The following PNPT1 variants were observed in gnomAD, a reference collection of about 807,000 sequenced individuals.
The protein encoded by PNPT1 is polyribonucleotide nucleotidyltransferase 1.
PNPT1 carries 53 observed loss-of-function variants against 119.5 expected under a neutral mutation model. The observed-to-expected ratio is 0.44, with a 90% CI of 0.36 to 0.56. The LOEUF (loss-of-function observed/expected upper bound fraction) is 0.56, where lower values mean the gene tolerates loss of function less well. Among genes scored for constraint, PNPT1 ranks in the 20% least tolerant of loss-of-function variants. The pLI is 0.00. For missense variants in PNPT1, 948 were observed against 938.5 expected, an observed-to-expected ratio of 1.01 and a Z score of -0.13; for synonymous variants, 357 against 322.1, an observed-to-expected ratio of 1.11 and a Z score of -1.16.
chr2:55,686,347 C>T (rs771959371), intron 3 of PNPT1, 23 bp downstream of exon 3: 20 of 1,580,478 alleles, frequency 1.3e-5, no homozygotes, highest in Non-Finnish European at 1.7e-5. Flanking sequence ...TATTACAGTT[C>T]AGATAAATCA....
chr2:55,650,934 G>C (rs1473105456), intron 18 of PNPT1, among the ~76,000 whole-genome samples: 4 of 149,160 alleles, frequency 2.7e-5, no homozygotes, highest in African/African-American at 9.9e-5. Context: ...CGCCCCGTCC[G>C]GGAGGGAGGT....
intron 8 of PNPT1, among the ~76,000 whole-genome samples, chr2:55,674,085 G>A (rs944785206): frequency 6.6e-6 from 1 of 152,214 alleles, no homozygotes; most frequent in East Asian, 1.9e-4. Context: ...AATATTTCCT[G>A]TTTAACAATT....
intron 14 of PNPT1, among the ~76,000 whole-genome samples, chr2:55,661,240 C>T (rs7582174): frequency 0.14 from 21,473 of 151,532 alleles, 3,105 homozygotes; most frequent in African/African-American, 0.37. Context: ...CTACAGGTGC[C>T]CACCATCACG....
chr2:55,636,599 G>T (rs142470646), intron 27 of PNPT1, among the ~76,000 whole-genome samples: 4 of 152,184 alleles, frequency 2.6e-5, no homozygotes, highest in Admixed American at 2.0e-4. Context: ...GCAGTTAGTT[G>T]TTCAACTATA....
rs185693223 is a variant in PNPT1, at chr2:55,680,743, T to C, written c.534A>G (p.Ser178=). Residue 178 remains serine (S), a synonymous_variant, in exon 7 of 28, where the codon TCA becomes TCG. Transcript: ENST00000447944. ...LAINGASVAL[S]LSDIPWNGPV... ...GTCCATTCCAAGGAATATCTGATAA[T>C]GAGAGGGCTACGGAAGCTTAAAAAA... 14 of 1,613,712 alleles carry C rather than the reference T, an allele frequency of 8.7e-6. No individual in the cohort carries two copies. The East Asian group carries it at 3.1e-4, about 36-fold the overall frequency.
chr2:55,692,939 G>GTGTGTCTCCTTGCCTCTCTCCC (rs1697667008), intron 1 of PNPT1, among the ~76,000 whole-genome samples: 1 of 151,916 alleles, frequency 6.6e-6, no homozygotes, highest in African/African-American at 2.4e-5. Context: ...GTTTCTCTCT[G>GTGTGTCTCCTTGCCTCTCTCCC]TGTGTCTCCT....
intron 1 of PNPT1, 61 bp downstream of exon 1, chr2:55,693,602 C>T (rs1413443024): frequency 6.3e-7 from 1 of 1,591,804 alleles, no homozygotes; most frequent in African/African-American, 1.3e-5. Flanking sequence ...GAGATGAATA[C>T]GCTCAAGCTG....
intron 9 of PNPT1, among the ~76,000 whole-genome samples, chr2:55,672,611 C>T (rs370519317): frequency 2.6e-5 from 4 of 152,176 alleles, no homozygotes; most frequent in African/African-American, 7.2e-5. Flanking sequence ...AATATCTTAA[C>T]GTTTTATTCT....
intron 15 of PNPT1, among the ~76,000 whole-genome samples, chr2:55,658,466 T>A (rs886472721): frequency 6.6e-6 from 1 of 152,200 alleles, no homozygotes; most frequent in East Asian, 1.9e-4. Context: ...GTTACAAGGA[T>A]ATTTGCCTTA....
chr2:55,686,463 C>G lies in PNPT1; in HGVS notation c.223-19G>C. 1 of 1,600,360 alleles carries G rather than the reference C, an allele frequency of 6.2e-7. No individual in the cohort carries two copies. Among genetic ancestry groups the G allele is most frequent in the Non-Finnish European group, 8.6e-7 (1 of 1,169,320 alleles). ...CACCTGACTTAAACATAAAGAACAA[C>G]GCTGGTAAGTTCCTTTGAAATCAGA... On this transcript the variant is annotated intron_variant, in intron 2 of 27. Coordinates refer to ENST00000447944, the MANE Select transcript of PNPT1 (RefSeq NM_033109.5).
At chr2:55,690,598 T>G (rs1697565515) in intron 1 of PNPT1, among the ~76,000 whole-genome samples, 1 of 152,258 alleles carries the variant, frequency 6.6e-6, no homozygotes, top group African/African-American at 2.4e-5. Context: ...TTAGACTCAT[T>G]TTGTTAAGTT....
At chr2:55,662,493 G>A (rs772621427) in intron 13 of PNPT1, among the ~76,000 whole-genome samples, 7 of 152,010 alleles carry the variant, frequency 4.6e-5, no homozygotes, top group Non-Finnish European at 1.0e-4. Flanking sequence ...TGGCCGATAC[G>A]GTGAAACCCT....
At chr2:55,651,359 G>A (rs1402496673) in intron 18 of PNPT1, among the ~76,000 whole-genome samples, 1 of 152,258 alleles carries the variant, frequency 6.6e-6, no homozygotes, top group Middle Eastern at 3.4e-3. Flanking sequence ...AAAAGATTGA[G>A]AAATCGGATG....
intron 7 of PNPT1, 35 bp from the exon 8 acceptor site, chr2:55,679,830 G>T (rs765503038): frequency 4.3e-6 from 6 of 1,408,562 alleles, no homozygotes; most frequent in Non-Finnish European, 5.9e-6. Context: ...ACTGTTTAAT[G>T]GAAATACCCA....
chr2:55,693,540 T>C (rs770467896), intron 1 of PNPT1, 123 bp downstream of exon 1: 45 of 1,376,734 alleles, frequency 3.3e-5, no homozygotes, highest in African/African-American at 7.2e-5. Context: ...GGAATTTAGG[T>C]TTAGGGTAAG....
Position 55,647,421 on chromosome 2 carries a change from C to A in PNPT1, c.1528G>T (p.Ala510Ser). 6.2e-7 allele frequency: 1 copy of A among 1,608,874 alleles called. No homozygotes were observed. The highest frequency in any genetic ancestry group is 8.5e-7 in the Non-Finnish European group (1 of 1,176,730). Reference sequence around the variant, plus strand: ...TCGGTTTTGGTGACCAATCCTATTGCTACGCCTGCAACAGCAGATGAAATT... The same window carrying A: ...TCGGTTTTGGTGACCAATCCTATTGATACGCCTGCAACAGCAGATGAAATT... Reference protein sequence around the residue: ...VPISSAVAGVAIGLVTKTDPE... With the variant: ...VPISSAVAGVSIGLVTKTDPE... Residue 510 changes from alanine (A) to serine (S), a missense_variant, in exon 19 of 28, where the codon GCA (alanine) becomes TCA (serine). Ala to Ser is a moderately conservative substitution (Grantham distance 99, BLOSUM62 1). Coordinates refer to ENST00000447944, the MANE Select transcript of PNPT1 (RefSeq NM_033109.5).
At chr2:55,651,227 G>A (rs1366436964) in intron 18 of PNPT1, among the ~76,000 whole-genome samples, 9 of 151,374 alleles carry the variant, frequency 5.9e-5, no homozygotes, top group African/African-American at 2.2e-4. Context: ...GCCCCTACTG[G>A]GAAGTGAGGA....
rs1389041892 is a variant in PNPT1 at position 55,668,098 on chromosome 2, C to T, written c.977-140G>A. ...TCTGAACGTTTAGTCCTCAGGCAAA[C>T]AAAGTAGATAAATTAAATGTTCTCA... On this transcript the variant is annotated intron_variant, in intron 11 of 27. Coordinates refer to ENST00000447944, the MANE Select transcript of PNPT1 (RefSeq NM_033109.5). 5 of 685,784 alleles carry T rather than the reference C, an allele frequency of 7.3e-6. 1 individual carries two copies. Among genetic ancestry groups the T allele is most frequent in the Non-Finnish European group, 7.2e-6 (3 of 415,552 alleles). The allele number at this position is 685,784 out of a possible 1,614,324, so 42.5% of individuals were successfully genotyped here. A position where few individuals can be genotyped will look rare whatever the true frequency, so the allele number is the denominator to read the frequency against.
intron 2 of PNPT1, among the ~76,000 whole-genome samples, 167 bp downstream of exon 2, chr2:55,687,478 G>C (rs1697449084): frequency 6.6e-6 from 1 of 151,966 alleles, no homozygotes; most frequent in African/African-American, 2.4e-5. Context: ...CAGTGCTCTG[G>C]ACTCTGGTTG....
Sources: gnomAD v4.1 joint callset for allele counts (sites outside exome capture counted in the v4.1 genomes callset) on GRCh38, gnomAD v4.1.1 for gene constraint, MANE v1.5 for transcripts, NCBI Gene and HGNC (gene_info 2026-07-23, HGNC 2026-07-21) for gene names.